PDHA1: variants seen among roughly 807,000 people sequenced by gnomAD.
The protein encoded by PDHA1 is pyruvate dehydrogenase E1 component subunit alpha, somatic form, mitochondrial.
A neutral mutation model predicts 33.0 loss-of-function variants in PDHA1; 1 was observed. The observed-to-expected ratio is 0.03, with a 90% CI of 0.01 to 0.14. The LOEUF (loss-of-function observed/expected upper bound fraction) is 0.14. Ranked by LOEUF, PDHA1 falls within the 10% of genes least tolerant of loss-of-function variation. The pLI, the probability that PDHA1 is intolerant of heterozygous loss-of-function variation, is 1.00. For missense variants in PDHA1, 168 were observed against 325.1 expected (o/e 0.52, Z 3.72); for synonymous variants, 123 against 119.2 (o/e 1.03, Z -0.21).
intron 1 of PDHA1, among the ~76,000 whole-genome samples, chrX:19,345,463 G>C (rs1205868128): frequency 1.9e-5 from 2 of 107,409 alleles, no homozygotes; most frequent in Non-Finnish European, 3.8e-5. Context: ...CCAGCTACTC[G>C]GGAGGCTGAG....
intron 4 of PDHA1, among the ~76,000 whole-genome samples, chrX:19,351,778 A>G (rs924737890): frequency 1.2e-5 from 1 of 84,973 alleles, no homozygotes; most frequent in Non-Finnish European, 2.2e-5. Context: ...CCCCGTGACT[A>G]TTTGTTTGTT....
At chrX:19,350,148 G>C in intron 3 of PDHA1, 38 bp downstream of exon 3, 1 of 1,025,543 alleles carries the variant, frequency 9.8e-7, no homozygotes, top group African/African-American at 1.8e-5. Flanking sequence ...TGTTATTTAG[G>C]TACTGAAGTA....
In PDHA1 at chrX:19,360,754, CCTTGT is replaced by C. The variant is rs775059849; in HGVS notation, c.*1105_*1109del. 1 of 1,204,616 alleles carries C rather than the reference CCTTGT, an allele frequency of 8.3e-7. No individual in the cohort carries two copies. Among genetic ancestry groups the C allele is most frequent in the East Asian group, 3.0e-5 (1 of 33,688 alleles). ...CACAGCTTAGCTGATTGGTATCAAG[CCTTGT>C]CTTTGGTTTCTGAGGCCTCCTGAGC... On this transcript the variant is annotated 3_prime_UTR_variant, in exon 11 of 11. Transcript: ENST00000422285.
chrX:19,346,531 C>T (rs1309147647), intron 1 of PDHA1: 2 of 551,461 alleles, frequency 3.6e-6, no homozygotes, highest in South Asian at 6.8e-5. Flanking sequence ...TGCTACGTTG[C>T]CCAGTCTGGT....
At chrX:19,346,629 G>A (rs199916229) in intron 1 of PDHA1, 19 of 950,680 alleles carry the variant, frequency 2.0e-5, no homozygotes, top group Non-Finnish European at 2.5e-5. Context: ...GGCAGGTAGG[G>A]AGATTTATCT....
In PDHA1 at chrX:19,344,012, G is replaced by A. The variant is rs746757266; in HGVS notation, c.-26G>A. On this transcript the variant is annotated 5_prime_UTR_variant, in exon 1 of 11. Coordinates refer to ENST00000422285, the MANE Select transcript of PDHA1 (RefSeq NM_000284.4). ...CGTGCCTCCTGGGTTGTGAGGAGTCGCCGCTGCCGCCACTGCCTGTGCTTC... is the reference window on the plus strand; with the variant it reads ...CGTGCCTCCTGGGTTGTGAGGAGTCACCGCTGCCGCCACTGCCTGTGCTTC... 2.5e-6 allele frequency: 3 copies of A among 1,202,990 alleles called. No homozygotes were observed. The highest frequency in any genetic ancestry group is 3.1e-4 in the Middle Eastern group (1 of 3,249).
chrX:19,347,405 C>T (rs989698545), intron 1 of PDHA1, among the ~76,000 whole-genome samples: 1 of 112,509 alleles, frequency 8.9e-6, no homozygotes, highest in African/African-American at 3.2e-5. Context: ...ATCAGTGGTT[C>T]TTATTTTTGA....
chrX:19,357,439 T>G, intron 8 of PDHA1: 1 of 451,327 alleles, frequency 2.2e-6, no homozygotes, highest in South Asian at 3.1e-5. Flanking sequence ...GCAGATTGCC[T>G]TATTAAAAAT....
At chrX:19,346,058 G>A (rs971730222) in intron 1 of PDHA1, among the ~76,000 whole-genome samples, 2 of 112,013 alleles carry the variant, frequency 1.8e-5, no homozygotes, top group Admixed American at 9.5e-5. Flanking sequence ...ATAGATCAAC[G>A]TTTTAGTTTT....
intron 5 of PDHA1, chrX:19,353,395 T>G (rs2063175602): frequency 2.3e-5 from 10 of 439,353 alleles, no homozygotes; most frequent in Non-Finnish European, 4.0e-5. Flanking sequence ...ACACATTACC[T>G]TTTCTACGTT....
chrX:19,354,667 T>C (rs1294229535), intron 6 of PDHA1, 84 bp downstream of exon 6: 1 of 651,768 alleles, frequency 1.5e-6, no homozygotes, highest in Non-Finnish European at 2.6e-6. Context: ...AGAAGTAGCA[T>C]ATTGCTTATT....
Position 19,359,473 on chromosome X carries a change from G to A in PDHA1, c.1009-16G>A. The A allele has an allele frequency of 1.7e-6, 2 of 1,200,472 alleles. No individual in the cohort carries two copies. Among genetic ancestry groups the A allele is most frequent in the Non-Finnish European group, 2.3e-6 (2 of 885,523 alleles). ...TGTTCATTCTAAAACCTTTTACACT[G>A]TTACCTAATTTTTAGGAAATTGATG... On this transcript the variant is annotated splice_polypyrimidine_tract_variant and intron_variant, in intron 10 of 10. Transcript: ENST00000422285.
chrX:19,349,241 G>A (rs1413908796), intron 1 of PDHA1, 71 bp from the exon 2 acceptor site: 8 of 704,139 alleles, frequency 1.1e-5, no homozygotes, highest in Non-Finnish European at 1.6e-5. Flanking sequence ...TCTGATAACT[G>A]ATTATTATAC....
chrX:19,346,939 A>G (rs1266836061), intron 1 of PDHA1, among the ~76,000 whole-genome samples: 1 of 111,218 alleles, frequency 9.0e-6, no homozygotes, highest in African/African-American at 3.3e-5. Flanking sequence ...AATGGTTCCT[A>G]TGTATTTAGG....
In PDHA1 at chrX:19,360,760, C is replaced by CTT. The variant is rs762409221; in HGVS notation, c.*1109_*1110dup. ...TTAGCTGATTGGTATCAAGCCTTGT[C>CTT]TTTGGTTTCTGAGGCCTCCTGAGCC... On this transcript the variant is annotated 3_prime_UTR_variant, in exon 11 of 11. Transcript: ENST00000422285. The CTT allele has an allele frequency of 2.5e-5, 30 of 1,206,210 alleles. No homozygotes were observed. In the East Asian group the frequency reaches 4.2e-4, roughly 17 times the overall value.
intron 1 of PDHA1, among the ~76,000 whole-genome samples, chrX:19,348,284 C>G (rs1011268209): frequency 2.7e-5 from 3 of 112,099 alleles, no homozygotes; most frequent in African/African-American, 9.7e-5. Context: ...TCTCACCCCC[C>G]GCCTCCAAGC....
In PDHA1 at chrX:19,354,642, C is replaced by A. The variant is rs752131202; in HGVS notation, c.603+59C>A. The A allele has an allele frequency of 5.5e-4, 402 of 736,122 alleles. 3 individuals are homozygous for A. The highest frequency in any genetic ancestry group is 5.8e-4 in the Non-Finnish European group (269 of 461,989). The allele number at this position is 736,122 out of a possible 1,213,427, so 60.7% of individuals were successfully genotyped here. ...TTATTTTCAAAGTCTTTAATATTTA[C>A]AGTTGAATTTCTAAAGAAGTAGCAT... On this transcript the variant is annotated intron_variant, in intron 6 of 10. Coordinates refer to ENST00000422285, the MANE Select transcript of PDHA1 (RefSeq NM_000284.4).
chrX:19,347,542 C>T (rs1347386802), intron 1 of PDHA1, among the ~76,000 whole-genome samples: 2 of 112,620 alleles, frequency 1.8e-5, no homozygotes, highest in Admixed American at 9.4e-5. Flanking sequence ...TATTGTATAG[C>T]ATTATCCTGC....
chrX:19,361,215 C>T lies in PDHA1; in HGVS notation c.*1562C>T. On this transcript the variant is annotated 3_prime_UTR_variant, in exon 11 of 11. Transcript: ENST00000422285. ...GTTTCTGCCCCACCTTGGCTTTTTC[C>T]CAGCTTGAACCTAATAGAACTCCAG... is the stretch of plus-strand genomic sequence containing the variant. The T allele has an allele frequency of 1.8e-6, 1 of 569,711 alleles. No homozygotes were observed. The highest frequency in any genetic ancestry group is 3.4e-5 in the South Asian group (1 of 29,798). The allele number at this position is 569,711 out of a possible 1,213,427, so 47.0% of individuals were successfully genotyped here.
Sources: allele counts gnomAD v4.1 joint callset (sites outside exome capture counted in the v4.1 genomes callset), GRCh38; gene constraint gnomAD v4.1.1; transcripts MANE v1.5; gene names NCBI Gene and HGNC (gene_info 2026-07-23, HGNC 2026-07-21).